The following ADAM9 variants were observed in gnomAD, a reference collection of about 807,000 sequenced individuals.
ADAM9 encodes the protein ADAM metallopeptidase domain 9.
In ADAM9, 54 loss-of-function variants were observed where a neutral mutation model predicts 108.1. The ratio of observed to expected loss-of-function variants is 0.50; its 90% CI spans 0.40 to 0.63. The LOEUF is 0.63. ADAM9 is among the 20% of genes least tolerant of loss of function. The probability of loss-of-function intolerance (pLI) is 0.00; values close to 1 mark genes in which losing one functional copy is unlikely to be tolerated. For synonymous variants in ADAM9, 316 were observed against 336.0 expected, an observed-to-expected ratio of 0.94 and a Z score of 0.65; for missense variants, 830 against 997.7, an observed-to-expected ratio of 0.83 and a Z score of 2.26.
At chr8:39,004,695 G>C (rs1233318098) in intron 1 of ADAM9, among the ~76,000 whole-genome samples, 1 of 152,208 alleles carries the variant, frequency 6.6e-6, no homozygotes, top group Non-Finnish European at 1.5e-5. Context: ...CAAACAAGGG[G>C]TGGATTATTC....
At chr8:39,016,677 T>C (rs1836539933) in intron 5 of ADAM9, among the ~76,000 whole-genome samples, 1 of 152,254 alleles carries the variant, frequency 6.6e-6, no homozygotes, top group Admixed American at 6.5e-5. Context: ...TGCTGGTTGG[T>C]TGACTGCATG....
In ADAM9 at chr8:39,063,947, C is replaced by T. The variant is rs117406570; in HGVS notation, c.1592-7351C>T. 4.3e-3 allele frequency among the ~76,000 whole-genome samples: 661 copies of T among 152,228 alleles called. 2 individuals carry two copies. The highest frequency in any genetic ancestry group is 0.01 in the Middle Eastern group (3 of 294). On this transcript the variant is annotated intron_variant, in intron 14 of 21. Transcript: ENST00000487273. ...TCAACAATCTCAGCTCTGCAACTACCGGCGATATGGCTGTCCTTTAGGGCA... is the reference window on the plus strand; with the variant it reads ...TCAACAATCTCAGCTCTGCAACTACTGGCGATATGGCTGTCCTTTAGGGCA...
chr8:39,028,365 T>TA (rs34945222), intron 11 of ADAM9, among the ~76,000 whole-genome samples: 7 of 149,736 alleles, frequency 4.7e-5, no homozygotes, highest in East Asian at 1.9e-4. Context: ...CCATGCTTCA[T>TA]AAAAAAAAAA....
rs758884780 is a variant in ADAM9 at position 39,103,797 on chromosome 8, A to G, written c.*97A>G. 12 of 1,171,872 alleles carry G rather than the reference A, an allele frequency of 1.0e-5. No individual in the cohort carries two copies. In the African/African-American group the frequency reaches 1.2e-4, roughly 12 times the overall value. The allele number at this position is 1,171,872 out of a possible 1,614,324, so 72.6% of individuals were successfully genotyped here. A position where few individuals can be genotyped will look rare whatever the true frequency, so the allele number is the denominator to read the frequency against. On this transcript the variant is annotated 3_prime_UTR_variant, in exon 22 of 22. Coordinates refer to ENST00000487273, the MANE Select transcript of ADAM9 (RefSeq NM_003816.3). ...CTTGAAAAGCCTTTCTGTTGCAACT[A>G]TGAATGAAAACAAAACACCACAAAA...
chr8:39,100,919 G>A (rs1380226279), intron 20 of ADAM9, among the ~76,000 whole-genome samples: 1 of 152,192 alleles, frequency 6.6e-6, no homozygotes, highest in Admixed American at 6.5e-5. Context: ...TTGAGGCTAA[G>A]TTATACAGTT....
intron 14 of ADAM9, among the ~76,000 whole-genome samples, chr8:39,058,818 C>T (rs57153218): frequency 0.061 from 9,258 of 152,234 alleles, 899 homozygotes; most frequent in East Asian, 0.46. Flanking sequence ...GCTAGTGGGT[C>T]ACTATGGATA....
intron 15 of ADAM9, among the ~76,000 whole-genome samples, chr8:39,072,937 A>G (rs948227032): frequency 2.6e-5 from 4 of 152,130 alleles, no homozygotes; most frequent in African/African-American, 7.2e-5. Flanking sequence ...TATACTGGTT[A>G]TCTGTTTGGT....
At chr8:39,045,799 C>T (rs1392971802) in intron 12 of ADAM9, among the ~76,000 whole-genome samples, 1 of 151,872 alleles carries the variant, frequency 6.6e-6, no homozygotes, top group Admixed American at 6.6e-5. Flanking sequence ...ATACTGTTTT[C>T]CATAGAGGTT....
intron 4 of ADAM9, chr8:39,014,354 G>C: frequency 3.7e-6 from 2 of 534,740 alleles, no homozygotes; most frequent in Non-Finnish European, 6.6e-6. Flanking sequence ...TGATTTTTTT[G>C]TTGAAAGTTA....
chr8:39,075,308 AT>A (rs1162773595), intron 15 of ADAM9, among the ~76,000 whole-genome samples: 3 of 152,204 alleles, frequency 2.0e-5, no homozygotes, highest in Non-Finnish European at 4.4e-5. Flanking sequence ...GGGTAGTCTT[AT>A]TAATATTAGT....
At chr8:39,012,446 G>GTATA (rs1836385105) in intron 3 of ADAM9, among the ~76,000 whole-genome samples, 1 of 152,148 alleles carries the variant, frequency 6.6e-6, no homozygotes, top group South Asian at 2.1e-4. Flanking sequence ...CCATTACTGG[G>GTATA]TATATACCCA....
chr8:39,012,971 C>G (rs908261380), intron 3 of ADAM9, among the ~76,000 whole-genome samples: 1 of 152,006 alleles, frequency 6.6e-6, no homozygotes, highest in Non-Finnish European at 1.5e-5. Context: ...TATAGACAGG[C>G]TGGTCCCGGG....
At chr8:39,103,336 C>T (rs1486693433) in intron 21 of ADAM9, among the ~76,000 whole-genome samples, 13 of 142,884 alleles carry the variant, frequency 9.1e-5, no homozygotes, top group African/African-American at 2.8e-4. Context: ...ATTTCATGTG[C>T]TTTTTTTTTT....
chr8:39,096,077 T>A (rs368372233), intron 20 of ADAM9, among the ~76,000 whole-genome samples: 1 of 146,138 alleles, frequency 6.8e-6, no homozygotes, highest in Non-Finnish European at 1.5e-5. Context: ...TCTTTTTAAT[T>A]AAAAAAATCA....
chr8:39,094,740 A>G (rs1337017544), intron 20 of ADAM9, among the ~76,000 whole-genome samples: 1 of 151,628 alleles, frequency 6.6e-6, no homozygotes, highest in Non-Finnish European at 1.5e-5. Flanking sequence ...AAAACTTTCT[A>G]TTTCTGTGGT....
intron 15 of ADAM9, among the ~76,000 whole-genome samples, 176 bp from the exon 16 acceptor site, chr8:39,077,052 C>T (rs557243650): frequency 1.1e-4 from 16 of 152,206 alleles, no homozygotes; most frequent in Non-Finnish European, 2.4e-4. Flanking sequence ...ACTCTTTTTT[C>T]GCCTTTTCTG....
intron 1 of ADAM9, among the ~76,000 whole-genome samples, chr8:39,002,600 C>T (rs960929830): frequency 2.6e-5 from 4 of 151,934 alleles, no homozygotes; most frequent in African/African-American, 9.7e-5. Context: ...GGACTATAGG[C>T]TTGAGCCACT....
intron 14 of ADAM9, among the ~76,000 whole-genome samples, chr8:39,064,886 T>C (rs967573726): frequency 2.0e-5 from 3 of 152,124 alleles, no homozygotes; most frequent in Non-Finnish European, 4.4e-5. Flanking sequence ...GTTTACAGAG[T>C]TGCTGTTGGA....
intron 7 of ADAM9, among the ~76,000 whole-genome samples, chr8:39,020,115 C>T (rs1230603431): frequency 6.6e-6 from 1 of 152,152 alleles, no homozygotes; most frequent in Non-Finnish European, 1.5e-5. Flanking sequence ...GAAATCCCAT[C>T]TCTCCTAAAA....
Sources: gnomAD v4.1 joint callset for allele counts (sites outside exome capture counted in the v4.1 genomes callset) on GRCh38, gnomAD v4.1.1 for gene constraint, MANE v1.5 for transcripts, NCBI Gene and HGNC (gene_info 2026-07-23, HGNC 2026-07-21) for gene names.